SPICE1: variants seen among roughly 807,000 people sequenced by gnomAD.
SPICE1 encodes the protein spindle and centriole-associated protein 1.
In SPICE1, 75 loss-of-function variants were observed where a neutral mutation model predicts 102.7. The ratio of observed to expected loss-of-function variants is 0.73; its 90% CI spans 0.61 to 0.88. The LOEUF is 0.88. Among genes scored for constraint, SPICE1 ranks in the 40% least tolerant of loss-of-function variants. SPICE1 has a pLI of 0.00. For synonymous variants in SPICE1, 308 were observed against 350.3 expected (o/e 0.88, Z 1.35); for missense variants, 979 against 1,020.1 (o/e 0.96, Z 0.55).
intron 7 of SPICE1, among the ~76,000 whole-genome samples, chr3:113,472,192 G>C (rs1417200447): frequency 6.6e-6 from 1 of 152,254 alleles, no homozygotes; most frequent in Non-Finnish European, 1.5e-5. Context: ...TAGCACAGCA[G>C]TCTGAGATCA....
chr3:113,472,186 A>C (rs1366053899), intron 7 of SPICE1, among the ~76,000 whole-genome samples: 1 of 152,210 alleles, frequency 6.6e-6, no homozygotes, highest in East Asian at 1.9e-4. Flanking sequence ...GATTGCTAGC[A>C]CAGCAGTCTG....
At chr3:113,493,945 A>T in intron 5 of SPICE1, 104 bp downstream of exon 5, 1 of 714,586 alleles carries the variant, frequency 1.4e-6, no homozygotes, top group Non-Finnish European at 2.3e-6. Flanking sequence ...CAATACTTGT[A>T]ATATAAATAA....
chr3:113,466,932 C>G (rs914370362), intron 10 of SPICE1, among the ~76,000 whole-genome samples: 1 of 151,326 alleles, frequency 6.6e-6, no homozygotes, highest in Non-Finnish European at 1.5e-5. Context: ...ACCTGTGGTC[C>G]CAGCTACTTG....
chr3:113,485,573 C>G (rs1311698668), intron 7 of SPICE1, among the ~76,000 whole-genome samples: 2 of 152,086 alleles, frequency 1.3e-5, no homozygotes, highest in African/African-American at 4.8e-5. Flanking sequence ...AAGCAGCAGC[C>G]CCAGTCAGGG....
intron 14 of SPICE1, among the ~76,000 whole-genome samples, chr3:113,452,024 C>A (rs138802010): frequency 6.6e-6 from 1 of 152,114 alleles, no homozygotes; most frequent in Non-Finnish European, 1.5e-5. Context: ...TTGACAGGAG[C>A]GGCCTTGGCT....
At position 113,502,517 on chromosome 3, in the gene SPICE1, A is replaced by T. The variant is rs1030416508; in HGVS notation, c.147+663T>A. ...GCACAAGGAGTGACTGTTAATGGGT[A>T]GAGGGTTTCATTTTGGGGTAATGAA... On this transcript the variant is annotated intron_variant, in intron 3 of 17. Coordinates refer to ENST00000295872, the MANE Select transcript of SPICE1 (RefSeq NM_144718.4). Among the ~76,000 whole-genome samples the T allele has an allele frequency of 7.2e-5, 11 of 152,338 alleles. 1 individual carries two copies. In the South Asian group the frequency reaches 1.7e-3, roughly 23 times the overall value.
At chr3:113,468,663 G>C (rs1936121389) in intron 9 of SPICE1, 99 bp downstream of exon 9, 2 of 1,359,260 alleles carry the variant, frequency 1.5e-6, no homozygotes, top group East Asian at 2.3e-5. Flanking sequence ...TTGGAACCAT[G>C]TGGATGAGAT....
chr3:113,471,844 A>G (rs1249426666), intron 7 of SPICE1, among the ~76,000 whole-genome samples: 1 of 152,198 alleles, frequency 6.6e-6, no homozygotes, highest in Non-Finnish European at 1.5e-5. Flanking sequence ...TCCGGTCTAC[A>G]GCTCCCAGCG....
chr3:113,486,941 T>C (rs1172614998), intron 7 of SPICE1, among the ~76,000 whole-genome samples: 1 of 151,004 alleles, frequency 6.6e-6, no homozygotes, highest in Non-Finnish European at 1.5e-5. Flanking sequence ...CTAAGGAAAC[T>C]GATCACCTAC....
chr3:113,460,075 T>C (rs781683612), intron 12 of SPICE1: 5 of 985,290 alleles, frequency 5.1e-6, no homozygotes, highest in African/African-American at 1.7e-5. Context: ...GTAAAACACA[T>C]GAAAAAACCA....
At chr3:113,506,467 A>T (rs1290326867) in intron 2 of SPICE1, 40 bp downstream of exon 2, 2 of 1,487,038 alleles carry the variant, frequency 1.3e-6, no homozygotes, top group East Asian at 2.3e-5. Flanking sequence ...CCATTTCTCC[A>T]GAGTAATGTT....
rs184098404 is a variant in SPICE1, at chr3:113,474,316, A to G, written c.612-5078T>C. On this transcript the variant is annotated intron_variant, in intron 7 of 17. Coordinates refer to ENST00000295872, the MANE Select transcript of SPICE1 (RefSeq NM_144718.4). The stretch of plus-strand genomic sequence containing the variant: ...TTCTGAGTGACCTACAAAGAGACTT[A>G]GACTCCCACACCTTAATAATGGGAG... Among the ~76,000 whole-genome samples, 43 of 152,288 alleles carry G rather than the reference A, an allele frequency of 2.8e-4. No individual in the cohort carries two copies. The East Asian group carries it at 6.7e-3, about 24-fold the overall frequency.
chr3:113,471,561 A>T (rs1334680753), intron 7 of SPICE1, among the ~76,000 whole-genome samples: 1 of 152,210 alleles, frequency 6.6e-6, no homozygotes, highest in East Asian at 1.9e-4. Context: ...AGAACTGGGA[A>T]GAAATCAAGT....
intron 15 of SPICE1, chr3:113,449,145 T>C (rs376990100): frequency 9.2e-5 from 14 of 152,338 alleles, no homozygotes; most frequent in African/African-American, 3.4e-4. Flanking sequence ...ATGGAAGATG[T>C]ATATTTAAAC....
At chr3:113,459,913 T>C (rs1576625545) in intron 12 of SPICE1, 1 of 983,054 alleles carries the variant, frequency 1.0e-6, no homozygotes, top group Non-Finnish European at 1.2e-6. Flanking sequence ...ATAGCAAGAC[T>C]CCACCAGAAG....
chr3:113,445,397 A>G lies in SPICE1; in HGVS notation c.2515-37T>C, dbSNP rs767906644. 6.4e-6 allele frequency: 10 copies of G among 1,560,656 alleles called. No homozygotes were observed. In the South Asian group the frequency reaches 1.1e-4, roughly 17 times the overall value. ...AGACACGGAAAAAATTTAGATGGTA[A>G]TTAGAAACATGAGACTACTCAAGAT... On this transcript the variant is annotated intron_variant, in intron 17 of 17. Transcript: ENST00000295872.
chr3:113,451,945 C>T lies in SPICE1; in HGVS notation c.2143-1429G>A, dbSNP rs146160018. 4.1e-3 allele frequency among the ~76,000 whole-genome samples: 626 copies of T among 152,208 alleles called. 6 individuals carry two copies. Among genetic ancestry groups the T allele is most frequent in the African/African-American group, 0.014 (599 of 41,490 alleles). The stretch of plus-strand genomic sequence containing the variant: ...CCTCCAACCCACTGTTGTTAAAGCC[C>T]TTATGAACACAGCCACCTCACGAGC... On this transcript the variant is annotated intron_variant, in intron 14 of 17. Coordinates refer to ENST00000295872, the MANE Select transcript of SPICE1 (RefSeq NM_144718.4).
At chr3:113,491,498 G>A (rs369303509) in intron 6 of SPICE1, among the ~76,000 whole-genome samples, 7 of 151,738 alleles carry the variant, frequency 4.6e-5, no homozygotes, top group South Asian at 4.2e-4. Context: ...GGTGGCAGGC[G>A]CCTGTAGTCC....
In SPICE1 at chr3:113,450,467, A is replaced by G. The variant is rs1321597218; in HGVS notation, c.2192T>C (p.Ile731Thr). The change falls in exon 15 of 18, where the codon ATT becomes ACT. Residue 731 changes from isoleucine to threonine, a missense_variant. Transcript: ENST00000295872. ...SLTPGSMEER[I>T]AELNRQSMEA... ...CATACTTTGTCGATTCAATTCTGCA[A>G]TCCGTTCCTCCATACTACCTGGTGT... 6 of 1,613,802 alleles carry G rather than the reference A, an allele frequency of 3.7e-6. No homozygotes were observed. Among genetic ancestry groups the G allele is most frequent in the Non-Finnish European group, 5.1e-6 (6 of 1,179,988 alleles).
Sources: allele counts gnomAD v4.1 joint callset (sites outside exome capture counted in the v4.1 genomes callset), GRCh38; gene constraint gnomAD v4.1.1; transcripts MANE v1.5; gene names NCBI Gene and HGNC (gene_info 2026-07-23, HGNC 2026-07-21).